Variants in CNTN5 observed in about 807,000 individuals in gnomAD.
CNTN5 encodes contactin-5.
Under a neutral mutation model 129.1 loss-of-function variants are expected in CNTN5, and 77 were observed. The observed-to-expected ratio is 0.60, with a 90% CI of 0.50 to 0.72. The LOEUF is 0.72. Ranked by LOEUF, CNTN5 falls within the 30% of genes least tolerant of loss-of-function variation. The pLI is 0.00. For missense variants in CNTN5, 1,478 were observed against 1,328.8 expected (o/e 1.11, Z -1.75); for synonymous variants, 509 against 465.6 (o/e 1.09, Z -1.20).
At chr11:99,155,519 G>A (rs1190880673) in intron 1 of CNTN5, among the ~76,000 whole-genome samples, 2 of 152,164 alleles carry the variant, frequency 1.3e-5, no homozygotes, top group East Asian at 3.8e-4. Context: ...TGATCATGAT[G>A]TTCCTATTAT....
chr11:100,034,724 C>G (rs1017892186), intron 9 of CNTN5, among the ~76,000 whole-genome samples: 1 of 152,200 alleles, frequency 6.6e-6, no homozygotes, highest in Admixed American at 6.5e-5. Context: ...TAGAGACTAT[C>G]TGGTCCACAA....
chr11:99,710,105 C>G (rs1386674462), intron 3 of CNTN5, among the ~76,000 whole-genome samples: 3 of 151,724 alleles, frequency 2.0e-5, no homozygotes, highest in African/African-American at 7.3e-5. Flanking sequence ...GGCAGAGTTG[C>G]TAATTTTATC....
intron 13 of CNTN5, among the ~76,000 whole-genome samples, chr11:100,155,418 C>T (rs1424074746): frequency 6.6e-6 from 1 of 152,158 alleles, no homozygotes; most frequent in Non-Finnish European, 1.5e-5. Context: ...GTTTTGGTTA[C>T]TGTAGCCTTG....
chr11:100,057,581 C>G (rs1227452331), intron 9 of CNTN5, among the ~76,000 whole-genome samples: 2 of 151,768 alleles, frequency 1.3e-5, no homozygotes, highest in African/African-American at 4.8e-5. Context: ...ACTGCTTTAA[C>G]AAAATTCCAC....
chr11:99,719,236 C>A (rs1482858161), intron 3 of CNTN5, among the ~76,000 whole-genome samples: 1 of 151,844 alleles, frequency 6.6e-6, no homozygotes, highest in Non-Finnish European at 1.5e-5. Context: ...TGAAAATCAT[C>A]TGAACCCCAG....
chr11:99,685,732 C>G (rs1448707253), intron 3 of CNTN5, among the ~76,000 whole-genome samples: 1 of 151,850 alleles, frequency 6.6e-6, no homozygotes, highest in African/African-American at 2.4e-5. Flanking sequence ...TGATGCCTCT[C>G]TTGTGTGTTG....
intron 2 of CNTN5, among the ~76,000 whole-genome samples, chr11:99,375,184 TCCC>T (rs1177154170): frequency 1.3e-5 from 2 of 151,298 alleles, no homozygotes; most frequent in African/African-American, 4.9e-5. Context: ...GTGCCTGTGA[TCCC>T]AGCTACTCGG....
At chr11:99,645,495 T>C (rs72983607) in intron 3 of CNTN5, among the ~76,000 whole-genome samples, 90,277 of 150,710 alleles carry the variant, frequency 0.6, 27,843 homozygotes, top group Admixed American at 0.69. Flanking sequence ...AAGACATATG[T>C]ACACGTATGT....
intron 3 of CNTN5, among the ~76,000 whole-genome samples, chr11:99,811,804 A>G (rs1053528988): frequency 2.2e-4 from 33 of 152,186 alleles, no homozygotes; most frequent in African/African-American, 7.7e-4. Context: ...GCCACTTTAG[A>G]AATAACTTTA....
intron 6 of CNTN5, among the ~76,000 whole-genome samples, chr11:99,859,402 T>G (rs1367992218): frequency 6.6e-6 from 1 of 152,210 alleles, no homozygotes; most frequent in East Asian, 1.9e-4. Flanking sequence ...TGTGCAGGTT[T>G]GTTACCTGGG....
chr11:99,363,949 A>G (rs1017716040), intron 2 of CNTN5, among the ~76,000 whole-genome samples: 2 of 152,136 alleles, frequency 1.3e-5, no homozygotes, highest in Admixed American at 1.3e-4. Flanking sequence ...TCAAATAATT[A>G]GAGTGTAATT....
intron 1 of CNTN5, among the ~76,000 whole-genome samples, chr11:99,233,671 G>T (rs1431669173): frequency 6.6e-6 from 1 of 152,146 alleles, no homozygotes; most frequent in African/African-American, 2.4e-5. Context: ...TTTTAGGCCG[G>T]ATGCGGTGGC....
chr11:99,049,411 A>T (rs1412356248), intron 1 of CNTN5, among the ~76,000 whole-genome samples: 1 of 152,134 alleles, frequency 6.6e-6, no homozygotes, highest in Non-Finnish European at 1.5e-5. Flanking sequence ...TATTAACTAC[A>T]GTCCATGGTT....
chr11:100,177,579 T>C (rs1948006611), intron 13 of CNTN5, among the ~76,000 whole-genome samples: 1 of 152,096 alleles, frequency 6.6e-6, no homozygotes, highest in Admixed American at 6.6e-5. Context: ...TAATTCCCAT[T>C]AGTTCCCATT....
At chr11:99,741,384 A>G (rs1035478332) in intron 3 of CNTN5, among the ~76,000 whole-genome samples, 1 of 151,852 alleles carries the variant, frequency 6.6e-6, no homozygotes, top group African/African-American at 2.4e-5. Context: ...TGTTACTAAC[A>G]CCTCCTGTCT....
intron 2 of CNTN5, among the ~76,000 whole-genome samples, chr11:99,549,082 G>T (rs557679781): frequency 8.4e-6 from 1 of 119,152 alleles, no homozygotes. Flanking sequence ...CTTTCTCATG[G>T]TGTCAATTCC....
At position 100,356,492 on chromosome 11, in the gene CNTN5, A is replaced by G. The variant is rs944031418; in HGVS notation, c.*272A>G. 9.1e-6 allele frequency: 4 copies of G among 437,534 alleles called. No individual in the cohort carries two copies. The highest frequency in any genetic ancestry group is 6.1e-5 in the African/African-American group (3 of 49,122). 27.1% of individuals were successfully genotyped at this position (437,534 alleles called of 1,614,324 possible). Reference sequence around the variant, plus strand: ...TTTGTAAACAAAGGTAATTTCTGTCAAATGTATTCTTTACTTTTTTAATAT... The same window carrying G: ...TTTGTAAACAAAGGTAATTTCTGTCGAATGTATTCTTTACTTTTTTAATAT... On this transcript the variant is annotated 3_prime_UTR_variant, in exon 25 of 25. Coordinates refer to ENST00000524871, the MANE Select transcript of CNTN5 (RefSeq NM_014361.4).
intron 1 of CNTN5, among the ~76,000 whole-genome samples, chr11:99,081,358 G>T (rs551962240): frequency 6.6e-6 from 1 of 152,116 alleles, no homozygotes; most frequent in Non-Finnish European, 1.5e-5. Context: ...AACATAAAGC[G>T]TAGGCAGATG....
At chr11:100,309,739 C>T (rs535919867) in intron 21 of CNTN5, 14 of 980,784 alleles carry the variant, frequency 1.4e-5, no homozygotes, top group South Asian at 9.4e-5. Flanking sequence ...TCTATCCAAC[C>T]GTAGAAGACA....
Sources: allele counts gnomAD v4.1 joint callset (sites outside exome capture counted in the v4.1 genomes callset), GRCh38; gene constraint gnomAD v4.1.1; transcripts MANE v1.5; gene names NCBI Gene and HGNC (gene_info 2026-07-23, HGNC 2026-07-21).